TARBP1: variants seen among roughly 807,000 people sequenced by gnomAD.
The protein encoded by TARBP1 is tRNA guanosine 2 -O-methyltransferase TARBP1.
In TARBP1, 144 loss-of-function variants were observed where a neutral mutation model predicts 178.6. The observed-to-expected ratio is 0.81, with a 90% CI of 0.70 to 0.93. The LOEUF (loss-of-function observed/expected upper bound fraction) is 0.93, where lower values mean the gene tolerates loss of function less well. TARBP1 is among the 40% of genes least tolerant of loss of function. TARBP1 has a pLI of 0.00. For missense variants in TARBP1, 2,067 were observed against 2,011.7 expected (o/e 1.03, Z -0.53); for synonymous variants, 787 against 781.0 (o/e 1.01, Z -0.13).
chr1:234,471,295 T>C (rs190907062), intron 2 of TARBP1, 38 bp from the exon 3 acceptor site: 5 of 1,366,858 alleles, frequency 3.7e-6, no homozygotes, highest in Admixed American at 4.2e-5. Flanking sequence ...GAAATGAAAA[T>C]GCATCTTGAA....
chr1:234,459,334 C>A lies in TARBP1; in HGVS notation c.1536-8G>T. 4 of 1,591,450 alleles carry A rather than the reference C, an allele frequency of 2.5e-6. No individual in the cohort carries two copies. Among genetic ancestry groups the A allele is most frequent in the Admixed American group, 3.7e-5 (2 of 54,436 alleles). ...GTGCAATGAATAACATCCCTGACATCGAAACACAAAAAATGCAGTTCCGTA... is the reference window on the plus strand; with the variant it reads ...GTGCAATGAATAACATCCCTGACATAGAAACACAAAAAATGCAGTTCCGTA... On this transcript the variant is annotated splice_region_variant and splice_polypyrimidine_tract_variant and intron_variant, in intron 7 of 29. Transcript: ENST00000040877.
intron 22 of TARBP1, among the ~76,000 whole-genome samples, chr1:234,416,733 A>C (rs891289353): frequency 6.6e-6 from 1 of 152,088 alleles, no homozygotes; most frequent in African/African-American, 2.4e-5. Context: ...CCAGGTTTTA[A>C]GCTAGGAGAC....
Position 234,459,315 on chromosome 1 carries a change from T to C in TARBP1, c.1547A>G (p.His516Arg), listed in dbSNP as rs1667606894. 6.2e-7 allele frequency: 1 copy of C among 1,609,524 alleles called. No homozygotes were observed. The highest frequency in any genetic ancestry group is 1.1e-5 in the South Asian group (1 of 90,020). The change falls in exon 8 of 30, where the codon CAT becomes CGT. Residue 516 changes from histidine (H) to arginine (R), a missense_variant. By Grantham distance (29) the His-to-Arg change is conservative. Transcript: ENST00000040877. ...DGLLALRDVI[H>R]CTMITHQILL... ...AATCTGATGTGTGATCATAGTGCAA[T>C]GAATAACATCCCTGACATCGAAACA...
At chr1:234,469,137 G>C (rs1177803589) in intron 3 of TARBP1, among the ~76,000 whole-genome samples, 1 of 140,438 alleles carries the variant, frequency 7.1e-6, no homozygotes, top group Non-Finnish European at 1.5e-5. Flanking sequence ...AGCATGTACT[G>C]GACACTAAGT....
chr1:234,402,723 T>G (rs1169780184), intron 24 of TARBP1, among the ~76,000 whole-genome samples: 1 of 152,046 alleles, frequency 6.6e-6, no homozygotes, highest in Non-Finnish European at 1.5e-5. Context: ...TACAGGTGCA[T>G]GCCACCATAC....
chr1:234,416,119 C>T (rs1013991616), intron 22 of TARBP1, among the ~76,000 whole-genome samples: 1 of 152,194 alleles, frequency 6.6e-6, no homozygotes, highest in African/African-American at 2.4e-5. Context: ...GGGGGTACAC[C>T]AGAACCAACC....
At chr1:234,409,313 C>T (rs553728516) in intron 23 of TARBP1, among the ~76,000 whole-genome samples, 1 of 152,332 alleles carries the variant, frequency 6.6e-6, no homozygotes, top group East Asian at 1.9e-4. Context: ...TTTACCAGAT[C>T]TAACATGAAC....
intron 4 of TARBP1, among the ~76,000 whole-genome samples, chr1:234,467,062 A>T (rs1668515690): frequency 1.3e-5 from 2 of 152,310 alleles, no homozygotes; most frequent in South Asian, 4.1e-4. Flanking sequence ...AGATTCTAAT[A>T]AATATTGCTT....
At chr1:234,402,037 C>T (rs976268605) in intron 24 of TARBP1, among the ~76,000 whole-genome samples, 1 of 152,210 alleles carries the variant, frequency 6.6e-6, no homozygotes, top group African/African-American at 2.4e-5. Context: ...TTCCGCATCT[C>T]CCCTCTTCTC....
intron 22 of TARBP1, among the ~76,000 whole-genome samples, chr1:234,417,616 G>A (rs188358326): frequency 2.0e-5 from 3 of 152,184 alleles, no homozygotes; most frequent in Non-Finnish European, 1.5e-5. Flanking sequence ...GAGAAAAGTT[G>A]GAAAGCGATT....
intron 24 of TARBP1, among the ~76,000 whole-genome samples, chr1:234,403,121 T>G (rs897598407): frequency 6.6e-6 from 1 of 152,146 alleles, no homozygotes; most frequent in African/African-American, 2.4e-5. Context: ...ATGACGTCAT[T>G]CTCAAGTTTA....
chr1:234,450,460 A>T lies in TARBP1; in HGVS notation c.1829T>A (p.Val610Asp). ...AGCAGATGACTTAACATACTCTTGA[A>T]CAATGCTCTTTACATAAGCATTTAA... ...TSLNAYVKSI[V>D]QEYVKSSAWE... Residue 610 changes from valine to aspartate, a missense_variant, in exon 10 of 30, where the codon GTT becomes GAT. By Grantham distance (152) the Val-to-Asp change is radical (BLOSUM62 -3). Transcript: ENST00000040877. 6.2e-7 allele frequency: 1 copy of T among 1,609,126 alleles called. No homozygotes were observed. The highest frequency in any genetic ancestry group is 8.5e-7 in the Non-Finnish European group (1 of 1,178,476).
intron 13 of TARBP1, among the ~76,000 whole-genome samples, chr1:234,434,634 C>G (rs1319347145): frequency 1.3e-5 from 2 of 152,178 alleles, no homozygotes; most frequent in African/African-American, 4.8e-5. Context: ...CTGACACCAT[C>G]ATAGAGCAAG....
chr1:234,449,054 T>A (rs570216441), intron 10 of TARBP1, among the ~76,000 whole-genome samples: 2 of 152,264 alleles, frequency 1.3e-5, no homozygotes, highest in East Asian at 3.9e-4. Flanking sequence ...ACACGAGAAC[T>A]TTCTAGACAG....
chr1:234,430,069 C>G lies in TARBP1; in HGVS notation c.2609+18G>C, dbSNP rs762852592. ...ACAACAACAGAAATGGATTTTTAAG[C>G]CTTAACCTTCCCTGTACCTGCTGCA... On this transcript the variant is annotated intron_variant, in intron 15 of 29. Transcript: ENST00000040877. 6.3e-7 allele frequency: 1 copy of G among 1,598,186 alleles called. No homozygotes were observed. The highest frequency in any genetic ancestry group is 8.6e-7 in the Non-Finnish European group (1 of 1,168,084).
intron 5 of TARBP1, among the ~76,000 whole-genome samples, chr1:234,464,406 T>C (rs1668220585): frequency 1.3e-5 from 2 of 152,214 alleles, no homozygotes; most frequent in Non-Finnish European, 2.9e-5. Context: ...TAAAGTCACA[T>C]TTTTTCTGCT....
At chr1:234,453,943 C>T (rs567643707) in intron 9 of TARBP1, among the ~76,000 whole-genome samples, 4 of 152,090 alleles carry the variant, frequency 2.6e-5, no homozygotes, top group East Asian at 1.9e-4. Flanking sequence ...GCAAAACAAA[C>T]GAAAGGAGAG....
intron 1 of TARBP1, among the ~76,000 whole-genome samples, chr1:234,477,756 ACACT>A (rs71728239): frequency 0.017 from 2,589 of 152,336 alleles, 85 homozygotes; most frequent in African/African-American, 0.059. Flanking sequence ...CTTAATTCTA[ACACT>A]CAACACTCAA....
In TARBP1 at chr1:234,438,936, T is replaced by C. The variant is rs76139659; in HGVS notation, c.2135-1564A>G. On this transcript the variant is annotated intron_variant, in intron 12 of 29. Transcript: ENST00000040877. Reference sequence around the variant, plus strand: ...AAAGAAAAACCTGACTACTATGGAGTTCTCACGAGAAACCAGAGGCAAATG... The same window carrying C: ...AAAGAAAAACCTGACTACTATGGAGCTCTCACGAGAAACCAGAGGCAAATG... 9.4e-3 allele frequency among the ~76,000 whole-genome samples: 1,424 copies of C among 151,742 alleles called. 8 individuals are homozygous for C. Among genetic ancestry groups the C allele is most frequent in the Non-Finnish European group, 0.015 (988 of 67,864 alleles).
Sources: allele counts gnomAD v4.1 joint callset (sites outside exome capture counted in the v4.1 genomes callset), GRCh38; gene constraint gnomAD v4.1.1; transcripts MANE v1.5; gene names NCBI Gene and HGNC (gene_info 2026-07-23, HGNC 2026-07-21).